ANAPC13: variants seen among roughly 807,000 people sequenced by gnomAD.
ANAPC13 encodes anaphase-promoting complex subunit 13.
Under a neutral mutation model 9.6 loss-of-function variants are expected in ANAPC13, and 9 were observed. That is an observed-to-expected ratio of 0.94 (90% CI 0.57 to 1.64). The LOEUF is 1.64. ANAPC13 is among the 40% of genes most tolerant of loss of function. The pLI is 0.00. For synonymous variants in ANAPC13, 30 were observed against 29.7 expected, an observed-to-expected ratio of 1.01 and a Z score of -0.03; for missense variants, 75 against 85.3, an observed-to-expected ratio of 0.88 and a Z score of 0.48.
At chr3:134,483,475 T>G (rs1934786564) in intron 1 of ANAPC13, among the ~76,000 whole-genome samples, 1 of 152,180 alleles carries the variant, frequency 6.6e-6, no homozygotes, top group African/African-American at 2.4e-5. Flanking sequence ...ACTGCTAAAG[T>G]TTCTCCAGTT....
At chr3:134,484,052 G>A (rs1175410557) in intron 1 of ANAPC13, among the ~76,000 whole-genome samples, 1 of 152,236 alleles carries the variant, frequency 6.6e-6, no homozygotes, top group Non-Finnish European at 1.5e-5. Context: ...TAAGAACGCT[G>A]AGGTTTGGGC....
chr3:134,479,345 T>TC (rs1354457322), intron 2 of ANAPC13, among the ~76,000 whole-genome samples: 5 of 149,034 alleles, frequency 3.4e-5, no homozygotes, highest in Non-Finnish European at 6.0e-5. Context: ...CCAACATGTC[T>TC]TTTTTTTTTG....
intron 2 of ANAPC13, among the ~76,000 whole-genome samples, 182 bp from the exon 3 acceptor site, chr3:134,478,897 C>T (rs1345575559): frequency 3.3e-5 from 5 of 152,174 alleles, no homozygotes; most frequent in Non-Finnish European, 5.9e-5. Flanking sequence ...CAAACATGGC[C>T]CGGGCCTTCT....
chr3:134,478,565 C>A lies in ANAPC13; in HGVS notation c.*25G>T. On this transcript the variant is annotated 3_prime_UTR_variant, in exon 3 of 3. Transcript: ENST00000354910. ...CTTTATCTGTGTACTTTGAGAAAAT[C>A]CATCCACAAGAAAGGAGCCAAGCGT... The A allele has an allele frequency of 3.1e-6, 5 of 1,606,328 alleles. No individual in the cohort carries two copies. The highest frequency in any genetic ancestry group is 4.2e-6 in the Non-Finnish European group (5 of 1,177,152).
At chr3:134,481,732 A>G (rs375101055) in intron 2 of ANAPC13, among the ~76,000 whole-genome samples, 3 of 152,254 alleles carry the variant, frequency 2.0e-5, no homozygotes, top group Non-Finnish European at 4.4e-5. Context: ...TTGGAACTTC[A>G]CAGACCTAGG....
At chr3:134,485,825 A>T in intron 1 of ANAPC13, 127 bp downstream of exon 1, 1 of 255,830 alleles carries the variant, frequency 3.9e-6, no homozygotes, top group Non-Finnish European at 6.1e-6. Context: ...CGAGTGCAGT[A>T]AAGAAAAACG....
intron 2 of ANAPC13, among the ~76,000 whole-genome samples, chr3:134,478,935 T>C (rs549875967): frequency 1.3e-5 from 2 of 152,218 alleles, no homozygotes; most frequent in Non-Finnish European, 2.9e-5. Flanking sequence ...GCATTTTGAC[T>C]CTGACATTTG....
At chr3:134,480,764 A>G (rs1934717923) in intron 2 of ANAPC13, among the ~76,000 whole-genome samples, 1 of 152,208 alleles carries the variant, frequency 6.6e-6, no homozygotes, top group Non-Finnish European at 1.5e-5. Flanking sequence ...CTGACTGCAC[A>G]ACACAGGCAA....
At chr3:134,484,830 C>G (rs943352148) in intron 1 of ANAPC13, among the ~76,000 whole-genome samples, 1 of 152,172 alleles carries the variant, frequency 6.6e-6, no homozygotes. Flanking sequence ...TCAAATCACT[C>G]GAGCTTCAGT....
At chr3:134,485,131 T>C (rs3846055) in intron 1 of ANAPC13, among the ~76,000 whole-genome samples, 7 of 151,970 alleles carry the variant, frequency 4.6e-5, no homozygotes, top group African/African-American at 1.7e-4. Flanking sequence ...CGTCAGCTCT[T>C]GAAGGTCAAC....
rs79007825 is a variant in ANAPC13 at position 134,478,546 on chromosome 3, C to G, written c.*44G>C. 246 of 1,599,498 alleles carry G rather than the reference C, an allele frequency of 1.5e-4. 1 individual carries two copies. In the East Asian group the frequency reaches 3.5e-3, roughly 23 times the overall value. On this transcript the variant is annotated 3_prime_UTR_variant, in exon 3 of 3. Coordinates refer to ENST00000354910, the MANE Select transcript of ANAPC13 (RefSeq NM_015391.4). ...GAGACTGAAACAAACCATGCTTTAT[C>G]TGTGTACTTTGAGAAAATCCATCCA...
At chr3:134,483,061 G>A in intron 1 of ANAPC13, 130 bp from the exon 2 acceptor site, 1 of 646,924 alleles carries the variant, frequency 1.5e-6, no homozygotes. Context: ...ATATGGGCCG[G>A]GTGACTACTT....
At chr3:134,482,036 C>T (rs892554289) in intron 2 of ANAPC13, among the ~76,000 whole-genome samples, 6 of 152,278 alleles carry the variant, frequency 3.9e-5, no homozygotes, top group Admixed American at 3.3e-4. Context: ...ATCTCTTATT[C>T]GTAAATGAAA....
At chr3:134,480,719 C>T (rs986919173) in intron 2 of ANAPC13, among the ~76,000 whole-genome samples, 4 of 152,218 alleles carry the variant, frequency 2.6e-5, no homozygotes, top group African/African-American at 9.6e-5. Context: ...ACATGTGAGA[C>T]AGTCCTAGAT....
chr3:134,478,759 A>G (rs1392915643), intron 2 of ANAPC13, 44 bp from the exon 3 acceptor site: 3 of 1,606,534 alleles, frequency 1.9e-6, no homozygotes, highest in Non-Finnish European at 2.5e-6. Context: ...TATATTCTGC[A>G]TCTTCTTGGA....
intron 2 of ANAPC13, among the ~76,000 whole-genome samples, chr3:134,479,310 AT>A (rs1448409867): frequency 1.3e-5 from 2 of 152,130 alleles, no homozygotes; most frequent in African/African-American, 2.4e-5. Context: ...GACACAAGAA[AT>A]GTATCCAAAA....
In ANAPC13 at chr3:134,478,696, T is replaced by C. The variant is rs1442543592; in HGVS notation, c.119A>G (p.Glu40Gly). 6.2e-7 allele frequency: 1 copy of C among 1,614,026 alleles called. No homozygotes were observed. The highest frequency in any genetic ancestry group is 8.5e-7 in the Non-Finnish European group (1 of 1,180,038). Residue 40 changes from glutamate (E) to glycine (G), a missense_variant, in exon 3 of 3, where the codon GAA (glutamate) becomes GGA (glycine). Coordinates refer to ENST00000354910, the MANE Select transcript of ANAPC13 (RefSeq NM_015391.4). ...AIPLNELPEP[E>G]QDNGGTTESV... ...TTCTGTGGTGCCACCATTGTCTTGT[T>C]CAGGTTCAGGAAGCTCATTCTGAAA...
At chr3:134,478,859 A>T in intron 2 of ANAPC13, 144 bp from the exon 3 acceptor site, 1 of 867,690 alleles carries the variant, frequency 1.2e-6, no homozygotes, top group East Asian at 2.7e-5. Flanking sequence ...AAAATCATAC[A>T]CGTGAGGAAA....
At chr3:134,481,597 G>A (rs1172320655) in intron 2 of ANAPC13, among the ~76,000 whole-genome samples, 1 of 152,164 alleles carries the variant, frequency 6.6e-6, no homozygotes, top group African/African-American at 2.4e-5. Flanking sequence ...ATCTATAAGT[G>A]TTGCCTTTCT....
Sources: allele counts gnomAD v4.1 joint callset (sites outside exome capture counted in the v4.1 genomes callset), GRCh38; gene constraint gnomAD v4.1.1; transcripts MANE v1.5; gene names NCBI Gene and HGNC (gene_info 2026-07-23, HGNC 2026-07-21).